The following CRYL1 variants were observed in gnomAD, a reference collection of about 807,000 sequenced individuals.
CRYL1 encodes crystallin lambda 1, also known as lambda-crystallin homolog.
A neutral mutation model predicts 36.6 loss-of-function variants in CRYL1; 29 were observed. The ratio of observed to expected loss-of-function variants is 0.79; its 90% CI spans 0.59 to 1.08. The LOEUF (loss-of-function observed/expected upper bound fraction) is 1.08. CRYL1 is among the 50% of genes least tolerant of loss of function. The pLI is 0.00. For synonymous variants in CRYL1, 152 were observed against 151.5 expected (o/e 1.00, Z -0.02); for missense variants, 411 against 407.9 (o/e 1.01, Z -0.06).
In CRYL1 at chr13:20,507,077, C is replaced by T. The variant is rs770767012; in HGVS notation, c.149+5366G>A. On this transcript the variant is annotated intron_variant, in intron 2 of 7. Coordinates refer to ENST00000298248, the MANE Select transcript of CRYL1 (RefSeq NM_015974.3). ...TTGTTGGCCACTCTGTGAGATGTGC[C>T]GTTCACCTTCAACCATGATTGTGAG... Among the ~76,000 whole-genome samples the T allele has an allele frequency of 5.2e-4, 79 of 152,186 alleles. 2 individuals are homozygous for T. Among genetic ancestry groups the T allele is most frequent in the Non-Finnish European group, 8.8e-5 (6 of 68,028 alleles).
At position 20,525,843 on chromosome 13, in the gene CRYL1, G is replaced by T; in HGVS notation, c.-49C>A. The T allele has an allele frequency of 8.3e-7, 1 of 1,207,738 alleles. No homozygotes were observed. The highest frequency in any genetic ancestry group is 1.0e-6 in the Non-Finnish European group (1 of 969,834). 74.8% of individuals were successfully genotyped at this position (1,207,738 alleles called of 1,614,324 possible). A position where few individuals can be genotyped will look rare whatever the true frequency, so the allele number is the denominator to read the frequency against. On this transcript the variant is annotated 5_prime_UTR_variant, in exon 1 of 8. Transcript: ENST00000298248. This position sits in a 1 kb window ranked among gnomAD's most constrained non-coding sequence, Gnocchi z 4.3. ...GCGGGCGCTGGGACCAGGCGCCGGC[G>T]GAGCTGCGAGCTCTGGGCTCCGGGG...
At chr13:20,494,487 T>C (rs2033570176) in intron 2 of CRYL1, among the ~76,000 whole-genome samples, 1 of 152,180 alleles carries the variant, frequency 6.6e-6, no homozygotes, top group Non-Finnish European at 1.5e-5. Flanking sequence ...ATCTTTCCAC[T>C]GAACACACAC....
intron 3 of CRYL1, among the ~76,000 whole-genome samples, chr13:20,466,704 G>GTGTGTGTGTGTGTGTGTGTA (rs1221224556): frequency 2.7e-5 from 4 of 145,962 alleles, no homozygotes; most frequent in African/African-American, 9.7e-5. Context: ...GTGTGTGTGT[G>GTGTGTGTGTGTGTGTGTGTA]TGTGTGTAGT....
At chr13:20,463,699 T>C (rs2032877073) in intron 3 of CRYL1, among the ~76,000 whole-genome samples, 1 of 152,208 alleles carries the variant, frequency 6.6e-6, no homozygotes, top group African/African-American at 2.4e-5. Context: ...TGACCTATCA[T>C]TTCACATTCA....
chr13:20,512,663 C>A, intron 1 of CRYL1, 113 bp from the exon 2 acceptor site: 1 of 677,228 alleles, frequency 1.5e-6, no homozygotes, highest in South Asian at 2.0e-5. Flanking sequence ...TTAAAATATT[C>A]AATACATATC....
At chr13:20,418,412 C>G (rs1381075896) in intron 5 of CRYL1, 1 of 152,206 alleles carries the variant, frequency 6.6e-6, no homozygotes, top group Non-Finnish European at 1.5e-5. Flanking sequence ...GTCCTTCGGA[C>G]AGTCCCAGAA....
At chr13:20,494,455 A>G (rs1315925152) in intron 2 of CRYL1, among the ~76,000 whole-genome samples, 1 of 152,176 alleles carries the variant, frequency 6.6e-6, no homozygotes, top group Non-Finnish European at 1.5e-5. Flanking sequence ...TCTTAGCGCC[A>G]TCATCCCAGC....
Position 20,404,965 on chromosome 13 carries a change from G to A in CRYL1, c.740-224C>T, listed in dbSNP as rs6490564. On this transcript the variant is annotated intron_variant, in intron 6 of 7. Coordinates refer to ENST00000298248, the MANE Select transcript of CRYL1 (RefSeq NM_015974.3). ...TGTCCACGCTGGCTCCTGGGGGTTC[G>A]AATGCCAAAAAGTGCTGGTCCTGGC... 0.75 allele frequency among the ~76,000 whole-genome samples: 113,361 copies of A among 151,954 alleles called. 42,483 individuals are homozygous for A. The highest frequency in any genetic ancestry group is 0.83 in the Admixed American group (12,690 of 15,282).
intron 3 of CRYL1, among the ~76,000 whole-genome samples, chr13:20,488,570 G>C (rs1306593034): frequency 1.3e-5 from 2 of 152,218 alleles, no homozygotes. Flanking sequence ...AGCCTTTTCG[G>C]TTTGCTTCCA....
At chr13:20,509,107 T>C (rs535541177) in intron 2 of CRYL1, among the ~76,000 whole-genome samples, 1 of 151,430 alleles carries the variant, frequency 6.6e-6, no homozygotes, top group African/African-American at 2.4e-5. Flanking sequence ...GACAGGCGAA[T>C]TGCTTGAACC....
intron 2 of CRYL1, among the ~76,000 whole-genome samples, chr13:20,510,043 T>C (rs1045004422): frequency 9.9e-5 from 15 of 152,204 alleles, no homozygotes; most frequent in African/African-American, 2.7e-4. Flanking sequence ...CAATGGGATC[T>C]CTCCTTCATT....
At chr13:20,517,347 C>A (rs546397164) in intron 1 of CRYL1, among the ~76,000 whole-genome samples, 262 of 151,062 alleles carry the variant, frequency 1.7e-3, no homozygotes, top group Middle Eastern at 3.5e-3. Context: ...ACACCTGTAA[C>A]CCTTTGGGAG....
intron 2 of CRYL1, among the ~76,000 whole-genome samples, chr13:20,501,990 A>G (rs577330360): frequency 6.6e-6 from 1 of 152,348 alleles, no homozygotes; most frequent in South Asian, 2.1e-4. Flanking sequence ...GTGGACACTA[A>G]CAATCATGGC....
intron 3 of CRYL1, among the ~76,000 whole-genome samples, chr13:20,462,903 G>A (rs7329952): frequency 0.96 from 146,175 of 152,248 alleles, 70,435 homozygotes; most frequent in East Asian, 1. Flanking sequence ...ATCATTACTA[G>A]TATCTCCCAG....
intron 2 of CRYL1, among the ~76,000 whole-genome samples, chr13:20,507,693 C>A (rs571187712): frequency 2.0e-5 from 3 of 152,026 alleles, no homozygotes; most frequent in Non-Finnish European, 4.4e-5. Context: ...CCAAGGCAGG[C>A]GGATCACAAG....
At chr13:20,505,137 C>T (rs2033769496) in intron 2 of CRYL1, among the ~76,000 whole-genome samples, 1 of 152,044 alleles carries the variant, frequency 6.6e-6, no homozygotes, top group Non-Finnish European at 1.5e-5. Context: ...AGGTAGATCA[C>T]CTGAGATCAG....
chr13:20,452,343 G>GA (rs1482711159), intron 3 of CRYL1, among the ~76,000 whole-genome samples: 2 of 151,388 alleles, frequency 1.3e-5, no homozygotes, highest in Non-Finnish European at 2.9e-5. Context: ...TAAAAGAATG[G>GA]AAAAATATTC....
rs11839541 is a variant in CRYL1, at chr13:20,525,172, C to T, written c.41+582G>A. Among the ~76,000 whole-genome samples the T allele has an allele frequency of 0.077, 11,693 of 152,140 alleles. 1,153 individuals are homozygous for T. The highest frequency in any genetic ancestry group is 0.23 in the African/African-American group (9,376 of 41,454). ...CACCTCCCCTCTGGAAACATCGCCTCGCCCAGGAATTAGGACTGCGTGTAT... is the reference window on the plus strand; with the variant it reads ...CACCTCCCCTCTGGAAACATCGCCTTGCCCAGGAATTAGGACTGCGTGTAT... On this transcript the variant is annotated intron_variant, in intron 1 of 7. Coordinates refer to ENST00000298248, the MANE Select transcript of CRYL1 (RefSeq NM_015974.3). The surrounding 1 kb of genome is among the most constrained non-coding windows in gnomAD (Gnocchi z 4.3).
At chr13:20,508,237 T>A (rs560815355) in intron 2 of CRYL1, among the ~76,000 whole-genome samples, 9 of 151,796 alleles carry the variant, frequency 5.9e-5, no homozygotes, top group East Asian at 1.9e-4. Flanking sequence ...TCAAAAAAAA[T>A]AAAATAAAAT....
Sources: allele counts gnomAD v4.1 joint callset (sites outside exome capture counted in the v4.1 genomes callset), GRCh38; gene constraint gnomAD v4.1.1; non-coding constraint Gnocchi (gnomAD v3.1); transcripts MANE v1.5; gene names NCBI Gene and HGNC (gene_info 2026-07-23, HGNC 2026-07-21).